CFAP77: variants seen among roughly 807,000 people sequenced by gnomAD.
CFAP77 encodes the protein cilia- and flagella-associated protein 77.
Under a neutral mutation model 31.1 loss-of-function variants are expected in CFAP77, and 25 were observed. That is an observed-to-expected ratio of 0.80 (90% confidence interval 0.59 to 1.12). The LOEUF is 1.12. Among genes scored for constraint, CFAP77 ranks in the 50% most tolerant of loss-of-function variants. The probability of loss-of-function intolerance (pLI) is 0.00; values close to 1 mark genes in which losing one functional copy is unlikely to be tolerated. For missense variants in CFAP77, 377 were observed against 397.3 expected, an observed-to-expected ratio of 0.95 and a Z score of 0.44; for synonymous variants, 151 against 159.9, an observed-to-expected ratio of 0.94 and a Z score of 0.42.
chr9:132,550,697 G>A (rs990974421), intron 5 of CFAP77, among the ~76,000 whole-genome samples: 5 of 149,756 alleles, frequency 3.3e-5, no homozygotes, highest in African/African-American at 7.4e-5. Flanking sequence ...TTTTTTTTTT[G>A]TAGAAACAGG....
chr9:132,436,749 G>C (rs1265139935), intron 1 of CFAP77, among the ~76,000 whole-genome samples: 2 of 152,126 alleles, frequency 1.3e-5, no homozygotes, highest in Non-Finnish European at 2.9e-5. Context: ...AATTACGAAC[G>C]CTTCAAGTGA....
In CFAP77 at chr9:132,444,585, G is replaced by A. The variant is rs147482374; in HGVS notation, c.195+34119G>A. 6.2e-3 allele frequency among the ~76,000 whole-genome samples: 938 copies of A among 152,278 alleles called. 1 individual carries two copies. Among genetic ancestry groups the A allele is most frequent in the Non-Finnish European group, 9.7e-3 (661 of 68,034 alleles). On this transcript the variant is annotated intron_variant, in intron 1 of 5. Transcript: ENST00000393216. The stretch of plus-strand genomic sequence containing the variant: ...TGGCAAGGCAGGAAGGCTGACCTGA[G>A]TCCTTCCGGCAGGGTGGCTGGGTCT...
intron 1 of CFAP77, among the ~76,000 whole-genome samples, chr9:132,468,167 A>G (rs1851187513): frequency 6.6e-6 from 1 of 151,804 alleles, no homozygotes; most frequent in African/African-American, 2.4e-5. Flanking sequence ...ACATGGCGAA[A>G]CCCCGTATCT....
intron 3 of CFAP77, among the ~76,000 whole-genome samples, chr9:132,526,542 TA>T (rs35890047): frequency 0.36 from 53,762 of 147,380 alleles, 11,731 homozygotes; most frequent in East Asian, 0.71. Flanking sequence ...GGCAGTTTCT[TA>T]AAAAAAAACT....
chr9:132,550,068 C>T (rs1852799869), intron 5 of CFAP77, among the ~76,000 whole-genome samples: 1 of 152,178 alleles, frequency 6.6e-6, no homozygotes, highest in South Asian at 2.1e-4. Flanking sequence ...GAGCAGCACT[C>T]AGAGTCTGGG....
At chr9:132,487,873 A>G (rs1023636681) in intron 1 of CFAP77, among the ~76,000 whole-genome samples, 3 of 152,172 alleles carry the variant, frequency 2.0e-5, no homozygotes, top group African/African-American at 7.2e-5. Context: ...GGAAATAAAT[A>G]AATATCCTCT....
intron 3 of CFAP77, among the ~76,000 whole-genome samples, chr9:132,515,675 C>T (rs537081097): frequency 5.3e-5 from 8 of 152,222 alleles, no homozygotes; most frequent in African/African-American, 1.9e-4. Flanking sequence ...CCCTCCTTGC[C>T]TCTCCTGGCA....
chr9:132,415,367 C>G (rs1355735252), intron 1 of CFAP77, among the ~76,000 whole-genome samples: 1 of 152,134 alleles, frequency 6.6e-6, no homozygotes, highest in Non-Finnish European at 1.5e-5. Context: ...GGAAACTAAC[C>G]CCCCCGCCCA....
At chr9:132,509,053 C>T (rs933535651) in intron 3 of CFAP77, among the ~76,000 whole-genome samples, 4 of 152,204 alleles carry the variant, frequency 2.6e-5, no homozygotes, top group East Asian at 1.9e-4. Flanking sequence ...AGCGAGATGG[C>T]GGCTACGAAC....
rs188550483 is a variant in CFAP77, at chr9:132,541,601, G to A, written c.631-1345G>A. On this transcript the variant is annotated intron_variant, in intron 4 of 5. Coordinates refer to ENST00000393216, the MANE Select transcript of CFAP77 (RefSeq NM_001282957.2). Reference sequence around the variant, plus strand: ...TAGCTGGGCGTGGTGGTGGTTGCCTGTAATCCCAGCTACTTGGGAGGCTGA... The same window carrying A: ...TAGCTGGGCGTGGTGGTGGTTGCCTATAATCCCAGCTACTTGGGAGGCTGA... 1.9e-4 allele frequency among the ~76,000 whole-genome samples: 29 copies of A among 152,300 alleles called. 1 individual carries two copies. The highest frequency in any genetic ancestry group is 6.7e-4 in the African/African-American group (28 of 41,566).
intron 3 of CFAP77, chr9:132,513,150 C>T (rs1297576552): frequency 1.6e-5 from 19 of 1,207,284 alleles, no homozygotes; most frequent in South Asian, 3.4e-5. Context: ...TCCTCAAGCA[C>T]ACAATCCAAT....
chr9:132,529,170 T>G (rs1852390315), intron 3 of CFAP77, among the ~76,000 whole-genome samples: 1 of 99,120 alleles, frequency 1.0e-5, no homozygotes, highest in Non-Finnish European at 2.0e-5. Context: ...TGGAATACTA[T>G]GCAGCCATAA....
intron 5 of CFAP77, among the ~76,000 whole-genome samples, chr9:132,553,714 G>A (rs774117856): frequency 5.9e-5 from 9 of 152,178 alleles, no homozygotes; most frequent in Non-Finnish European, 8.8e-5. Context: ...GGAACCCCAC[G>A]TTGCAACAAC....
At chr9:132,463,500 C>A (rs1001837931) in intron 1 of CFAP77, among the ~76,000 whole-genome samples, 1 of 152,184 alleles carries the variant, frequency 6.6e-6, no homozygotes, top group African/African-American at 2.4e-5. Flanking sequence ...GGGCCACCCC[C>A]ACCTGGATAC....
At chr9:132,563,733 A>C (rs567208032) in intron 5 of CFAP77, among the ~76,000 whole-genome samples, 1 of 152,276 alleles carries the variant, frequency 6.6e-6, no homozygotes, top group Admixed American at 6.5e-5. Context: ...GAATGAACAC[A>C]CTCGCTGGTA....
intron 1 of CFAP77, among the ~76,000 whole-genome samples, chr9:132,459,827 G>C (rs978628137): frequency 6.7e-6 from 1 of 149,850 alleles, no homozygotes; most frequent in African/African-American, 2.5e-5. Context: ...GTATGAGTGT[G>C]CGTATGTGTG....
At chr9:132,434,305 T>C (rs761331623) in intron 1 of CFAP77, among the ~76,000 whole-genome samples, 3 of 152,106 alleles carry the variant, frequency 2.0e-5, no homozygotes, top group Non-Finnish European at 1.5e-5. Context: ...GTTCTTACCA[T>C]GTATATGAAA....
In CFAP77 at chr9:132,481,135, C is replaced by G. The variant is rs141859217; in HGVS notation, c.196-17560C>G. On this transcript the variant is annotated intron_variant, in intron 1 of 5. Transcript: ENST00000393216. This position sits in a 1 kb window ranked among gnomAD's most constrained non-coding sequence, Gnocchi z 5.0. ...ACCCACAAAGCCACACTCGTGTCTGCCGGCCATGGATACGACAGAGCCTGG... is the reference window on the plus strand; with the variant it reads ...ACCCACAAAGCCACACTCGTGTCTGGCGGCCATGGATACGACAGAGCCTGG... Among the ~76,000 whole-genome samples the G allele has an allele frequency of 1.1e-3, 165 of 152,280 alleles. 1 individual carries two copies. The East Asian group carries it at 0.026, about 24-fold the overall frequency.
In CFAP77 at chr9:132,502,264, TA is replaced by T. The variant is rs150158102; in HGVS notation, c.524+2665del. Among the ~76,000 whole-genome samples, 456 of 52,220 alleles carry T rather than the reference TA, an allele frequency of 8.7e-3. 3 individuals are homozygous for T. Among genetic ancestry groups the T allele is most frequent in the East Asian group, 0.086 (61 of 708 alleles). The allele number at this position is 52,220 out of a possible 152,430, so 34.3% of individuals were successfully genotyped here. On this transcript the variant is annotated intron_variant, in intron 3 of 5. Coordinates refer to ENST00000393216, the MANE Select transcript of CFAP77 (RefSeq NM_001282957.2). Reference sequence around the variant, plus strand: ...GACTGTGCCATCATATATATATATATATTTTTTTTTTTTGGGGGAGGGGGGT... The same window carrying T: ...GACTGTGCCATCATATATATATATATTTTTTTTTTTTTGGGGGAGGGGGGT...
Sources: gnomAD v4.1 joint callset for allele counts (sites outside exome capture counted in the v4.1 genomes callset) on GRCh38, gnomAD v4.1.1 for gene constraint, Gnocchi (gnomAD v3.1) non-coding constraint, MANE v1.5 for transcripts, NCBI Gene and HGNC (gene_info 2026-07-23, HGNC 2026-07-21) for gene names.